The following XKR4 variants were observed in gnomAD, a reference collection of about 807,000 sequenced individuals.
XKR4 encodes XK-related protein 4.
Under a neutral mutation model 53.9 loss-of-function variants are expected in XKR4, and 12 were observed. That is an observed-to-expected ratio of 0.22 (90% CI 0.14 to 0.36). The LOEUF (loss-of-function observed/expected upper bound fraction) is 0.36, where lower values mean the gene tolerates loss of function less well. XKR4 is among the 10% of genes least tolerant of loss of function. The pLI, the probability that XKR4 is intolerant of heterozygous loss-of-function variation, is 1.00. For synonymous variants in XKR4, 354 were observed against 362.4 expected (o/e 0.98, Z 0.26); for missense variants, 799 against 859.5 (o/e 0.93, Z 0.88).
At position 55,186,680 on chromosome 8, in the gene XKR4, T is replaced by A. The variant is rs919065963; in HGVS notation, c.806+83386T>A. Among the ~76,000 whole-genome samples the A allele has an allele frequency of 5.3e-5, 8 of 152,008 alleles. No homozygotes were observed. The East Asian group carries it at 5.8e-4, about 11-fold the overall frequency. On this transcript the variant is annotated intron_variant, in intron 1 of 2. Transcript: ENST00000327381. ...CAAAAATAAATAAATAAATAAATAA[T>A]TAAAAAATTCAAATAGAGATGAACC...
chr8:55,451,756 A>G, intron 2 of XKR4: 1 of 1,136,502 alleles, frequency 8.8e-7, no homozygotes, highest in Non-Finnish European at 1.3e-6. Context: ...GGCCCGGCTC[A>G]GGCGGCTGCT....
chr8:55,308,546 C>T (rs1391999752), intron 1 of XKR4, among the ~76,000 whole-genome samples: 31 of 146,776 alleles, frequency 2.1e-4, no homozygotes, highest in South Asian at 6.6e-4. Flanking sequence ...CCACCAGGTC[C>T]CTCCCTTGAC....
intron 2 of XKR4, chr8:55,454,174 C>T: frequency 3.0e-6 from 3 of 994,668 alleles, no homozygotes; most frequent in Non-Finnish European, 4.8e-6. Flanking sequence ...GAACACTGTG[C>T]GTCTGACTCT....
rs370713625 is a variant in XKR4, at chr8:55,429,602, C to T, written c.1006+71725C>T. Among the ~76,000 whole-genome samples, 3 of 152,016 alleles carry T rather than the reference C, an allele frequency of 2.0e-5. No individual in the cohort carries two copies. In the East Asian group the frequency reaches 5.8e-4, roughly 29 times the overall value. On this transcript the variant is annotated intron_variant, in intron 2 of 2. Coordinates refer to ENST00000327381, the MANE Select transcript of XKR4 (RefSeq NM_052898.2). ...TGGTGACATGCACCTGTCATACCAG[C>T]TACTCTGGAGGCTAAGCTAGTGGGG...
At chr8:55,385,468 A>G (rs1332540872) in intron 2 of XKR4, among the ~76,000 whole-genome samples, 1 of 152,196 alleles carries the variant, frequency 6.6e-6, no homozygotes, top group African/African-American at 2.4e-5. Context: ...GCTAAGCCAT[A>G]TGCTTCTGAA....
At chr8:55,155,666 T>C (rs1338591886) in intron 1 of XKR4, among the ~76,000 whole-genome samples, 2 of 151,084 alleles carry the variant, frequency 1.3e-5, no homozygotes, top group African/African-American at 4.9e-5. Flanking sequence ...TCTAAAGTTC[T>C]AAATTAAAAG....
At chr8:55,490,373 G>A (rs538118316) in intron 2 of XKR4, among the ~76,000 whole-genome samples, 1 of 152,170 alleles carries the variant, frequency 6.6e-6, no homozygotes, top group Admixed American at 6.6e-5. Flanking sequence ...AAAAGTAGGA[G>A]TTAAACAATG....
chr8:55,194,083 C>G (rs1238340911), intron 1 of XKR4, among the ~76,000 whole-genome samples: 1 of 152,208 alleles, frequency 6.6e-6, no homozygotes, highest in Non-Finnish European at 1.5e-5. Flanking sequence ...TGGTCAGGGC[C>G]TGCTCCATCA....
At chr8:55,502,588 G>A (rs1414412325) in intron 2 of XKR4, among the ~76,000 whole-genome samples, 4 of 146,586 alleles carry the variant, frequency 2.7e-5, no homozygotes, top group African/African-American at 1.1e-4. Context: ...TTGGGGTGGG[G>A]AGGTTGTTAT....
At chr8:55,331,104 C>T (rs183545234) in intron 1 of XKR4, among the ~76,000 whole-genome samples, 24 of 152,264 alleles carry the variant, frequency 1.6e-4, no homozygotes, top group South Asian at 4.1e-4. Flanking sequence ...TGAAACTGTA[C>T]GCATGAAACC....
At chr8:55,332,232 T>C (rs181526034) in intron 1 of XKR4, among the ~76,000 whole-genome samples, 8 of 152,294 alleles carry the variant, frequency 5.3e-5, no homozygotes, top group Admixed American at 1.3e-4. Context: ...CTTTTTATTA[T>C]GGATGTCACA....
chr8:55,103,807 A>G (rs187225759), intron 1 of XKR4, among the ~76,000 whole-genome samples: 10 of 146,040 alleles, frequency 6.8e-5, no homozygotes, highest in Admixed American at 5.5e-4. Flanking sequence ...ACTGCTGGAG[A>G]AGTGCTTTAC....
In XKR4 at chr8:55,141,719, C is replaced by T. The variant is rs1816706621; in HGVS notation, c.806+38425C>T. Among the ~76,000 whole-genome samples, 4 of 149,508 alleles carry T rather than the reference C, an allele frequency of 2.7e-5. No individual in the cohort carries two copies. In the South Asian group the frequency reaches 8.6e-4, roughly 32 times the overall value. On this transcript the variant is annotated intron_variant, in intron 1 of 2. Coordinates refer to ENST00000327381, the MANE Select transcript of XKR4 (RefSeq NM_052898.2). ...TCTCTGTGGACTGGCGTCTTCTGGT[C>T]CTCTTCCTCCCAGTCCATAAGTAAT...
intron 2 of XKR4, among the ~76,000 whole-genome samples, chr8:55,424,260 TTACAAAAAG>T (rs1804978393): frequency 6.6e-6 from 1 of 152,238 alleles, no homozygotes; most frequent in Admixed American, 6.5e-5. Context: ...CCTCTATGCG[TTACAAAAAG>T]TACTTGTTTT....
intron 2 of XKR4, among the ~76,000 whole-genome samples, chr8:55,439,368 A>G (rs78119425): frequency 2.9e-5 from 2 of 68,978 alleles, no homozygotes; most frequent in Non-Finnish European, 5.9e-5. Flanking sequence ...CTCTAAAGAG[A>G]CAAAATTCTC....
intron 2 of XKR4, among the ~76,000 whole-genome samples, chr8:55,441,618 T>C (rs552959172): frequency 1.6e-4 from 25 of 152,288 alleles, no homozygotes; most frequent in African/African-American, 6.0e-4. Flanking sequence ...CTAAACCAAG[T>C]CTCAATATAT....
chr8:55,326,468 CTTTTT>C (rs10666278), intron 1 of XKR4, among the ~76,000 whole-genome samples: 15 of 111,774 alleles, frequency 1.3e-4, no homozygotes, highest in African/African-American at 2.5e-4. Context: ...ATTTTTTTTC[CTTTTT>C]TTTTTTTTTT....
At chr8:55,293,073 A>G (rs1467742327) in intron 1 of XKR4, among the ~76,000 whole-genome samples, 1 of 152,090 alleles carries the variant, frequency 6.6e-6, no homozygotes, top group African/African-American at 2.4e-5. Flanking sequence ...GGTGGCTCAC[A>G]CCTCTAATCC....
chr8:55,313,130 A>G (rs1479736941), intron 1 of XKR4, among the ~76,000 whole-genome samples: 1 of 152,168 alleles, frequency 6.6e-6, no homozygotes, highest in African/African-American at 2.4e-5. Flanking sequence ...AGAAGTAAAA[A>G]GTGTTATTAT....
Sources: gnomAD v4.1 joint callset for allele counts (sites outside exome capture counted in the v4.1 genomes callset) on GRCh38, gnomAD v4.1.1 for gene constraint, MANE v1.5 for transcripts, NCBI Gene and HGNC (gene_info 2026-07-23, HGNC 2026-07-21) for gene names.